DOCK8: variants seen among roughly 807,000 people sequenced by gnomAD.
DOCK8 encodes the protein dedicator of cytokinesis 8, also known as dedicator of cytokinesis protein 8.
Under a neutral mutation model 245.6 loss-of-function variants are expected in DOCK8, and 141 were observed. The observed-to-expected ratio is 0.57, with a 90% CI of 0.50 to 0.66. DOCK8 has a LOEUF of 0.66. Ranked by LOEUF, DOCK8 falls within the 30% of genes least tolerant of loss-of-function variation. DOCK8 has a pLI of 0.00. For missense variants in DOCK8, 2,965 were observed against 2,603.4 expected (o/e 1.14, Z -3.02); for synonymous variants, 1,168 against 970.2 (o/e 1.20, Z -3.79).
intron 46 of DOCK8, among the ~76,000 whole-genome samples, chr9:457,893 T>A (rs1184248482): frequency 6.6e-6 from 1 of 152,206 alleles, no homozygotes; most frequent in African/African-American, 2.4e-5. Context: ...TAGGCTCTTA[T>A]CACCCACACA....
At chr9:395,589 C>G (rs980816827) in intron 24 of DOCK8, among the ~76,000 whole-genome samples, 1 of 151,828 alleles carries the variant, frequency 6.6e-6, no homozygotes, top group African/African-American at 2.4e-5. Context: ...TCTGACTAAT[C>G]TAGACGCATA....
At chr9:374,810 A>G (rs1464614973) in intron 18 of DOCK8, among the ~76,000 whole-genome samples, 1 of 151,904 alleles carries the variant, frequency 6.6e-6, no homozygotes, top group African/African-American at 2.4e-5. Context: ...TTTAAATTAC[A>G]TATATAGCTC....
intron 1 of DOCK8, among the ~76,000 whole-genome samples, chr9:248,535 T>TCCA (rs1563839254): frequency 4.5e-5 from 4 of 88,316 alleles, no homozygotes; most frequent in African/African-American, 1.3e-4. Flanking sequence ...CTCTCTCTCT[T>TCCA]TCTTTCTTTC....
intron 2 of DOCK8, among the ~76,000 whole-genome samples, chr9:273,988 G>T (rs1161959633): frequency 6.6e-6 from 1 of 152,162 alleles, no homozygotes; most frequent in African/African-American, 2.4e-5. Context: ...TTACGAGCAT[G>T]AGCCACCATG....
At chr9:246,489 T>G (rs1019774647) in intron 1 of DOCK8, among the ~76,000 whole-genome samples, 1 of 151,010 alleles carries the variant, frequency 6.6e-6, no homozygotes, top group African/African-American at 2.4e-5. Flanking sequence ...CACTCCAGTC[T>G]GGGTGACAGA....
At position 344,096 on chromosome 9, in the gene DOCK8, C is replaced by G. The variant is rs57160652; in HGVS notation, c.1679+3775C>G. On this transcript the variant is annotated intron_variant, in intron 14 of 47. Coordinates refer to ENST00000432829, the MANE Select transcript of DOCK8 (RefSeq NM_203447.4). Reference sequence around the variant, plus strand: ...ACAGAGTTAATCTTCTTGAGCTGTACTGGCCACTGTAGAAGTGCCAAGGAC... The same window carrying G: ...ACAGAGTTAATCTTCTTGAGCTGTAGTGGCCACTGTAGAAGTGCCAAGGAC... Among the ~76,000 whole-genome samples the G allele has an allele frequency of 2.2e-3, 339 of 152,264 alleles. 1 individual carries two copies. Among genetic ancestry groups the G allele is most frequent in the African/African-American group, 7.9e-3 (329 of 41,552 alleles).
At chr9:399,987 TCCCACCACCTCCACCACCTCCACCATCA>T (rs2054675755) in intron 26 of DOCK8, among the ~76,000 whole-genome samples, 1 of 90,734 alleles carries the variant, frequency 1.1e-5, no homozygotes, top group African/African-American at 5.5e-5. Flanking sequence ...CATCACCACC[TCCCACCACCTCCACCACCTCCACCATCA>T]CCACCACCTC....
intron 46 of DOCK8, among the ~76,000 whole-genome samples, chr9:457,280 A>G (rs1211629607): frequency 6.6e-6 from 1 of 152,144 alleles, no homozygotes; most frequent in Non-Finnish European, 1.5e-5. Flanking sequence ...CCTCAACTAG[A>G]TGTGTGACCC....
At chr9:387,848 C>G (rs947375244) in intron 23 of DOCK8, among the ~76,000 whole-genome samples, 1 of 152,226 alleles carries the variant, frequency 6.6e-6, no homozygotes, top group Non-Finnish European at 1.5e-5. Flanking sequence ...TACAGCCTGA[C>G]TTCTTTAACC....
At chr9:436,205 C>T (rs1200822284) in intron 39 of DOCK8, among the ~76,000 whole-genome samples, 1 of 152,156 alleles carries the variant, frequency 6.6e-6, no homozygotes, top group African/African-American at 2.4e-5. Context: ...TCCTCAAGAA[C>T]AAAAATAGTC....
intron 2 of DOCK8, among the ~76,000 whole-genome samples, chr9:284,009 T>G (rs1207327541): frequency 1.3e-5 from 2 of 152,194 alleles, no homozygotes; most frequent in Non-Finnish European, 2.9e-5. Context: ...TCCAATTTCT[T>G]TGCACATAGT....
chr9:345,016 C>T (rs540389587), intron 14 of DOCK8, among the ~76,000 whole-genome samples: 3 of 152,224 alleles, frequency 2.0e-5, no homozygotes, highest in African/African-American at 7.2e-5. Flanking sequence ...CCTGCCATTG[C>T]ACTCCAGCCT....
Position 407,058 on chromosome 9 carries a change from C to T in DOCK8, c.3519C>T (p.Ala1173=), listed in dbSNP as rs144299704. The change falls in exon 28 of 48, where the codon GCC becomes GCT. Residue 1173 remains alanine, a synonymous_variant. Coordinates refer to ENST00000432829, the MANE Select transcript of DOCK8 (RefSeq NM_203447.4). Reference sequence around the variant, plus strand: ...CAGAACTGGCTGCTGCCCTGGATGCCGAAGGGGAAGGGTATGTTTCTGGCA... The same window carrying T: ...CAGAACTGGCTGCTGCCCTGGATGCTGAAGGGGAAGGGTATGTTTCTGGCA... ...LFTELAAALD[A]EGEGISKVQR... 5.4e-5 allele frequency: 87 copies of T among 1,613,866 alleles called. No homozygotes were observed. The African/African-American group carries it at 8.7e-4, about 16-fold the overall frequency.
chr9:334,624 T>C (rs555647371), intron 11 of DOCK8, among the ~76,000 whole-genome samples: 28 of 152,276 alleles, frequency 1.8e-4, no homozygotes, highest in Non-Finnish European at 3.4e-4. Flanking sequence ...ATTTTCTAGA[T>C]GGTATGACAC....
intron 24 of DOCK8, among the ~76,000 whole-genome samples, chr9:394,025 G>A (rs1447936944): frequency 5.9e-5 from 9 of 152,146 alleles, no homozygotes; most frequent in Non-Finnish European, 1.2e-4. Context: ...GACAATCTTA[G>A]AAAAGGAGCC....
intron 30 of DOCK8, 95 bp downstream of exon 30, chr9:418,302 C>T: frequency 6.6e-7 from 1 of 1,510,296 alleles, no homozygotes; most frequent in Non-Finnish European, 9.1e-7. Flanking sequence ...GACAGAGTCT[C>T]ACTCTGTTGC....
chr9:211,322 G>A (rs913853833), upstream of DOCK8, among the ~76,000 whole-genome samples: 2 of 152,074 alleles, frequency 1.3e-5, no homozygotes, highest in Non-Finnish European at 2.9e-5. Context: ...GAAAGGTAAA[G>A]AATAAAGCTG....
chr9:263,028 G>A (rs2047954735), intron 1 of DOCK8, among the ~76,000 whole-genome samples: 1 of 152,108 alleles, frequency 6.6e-6, no homozygotes, highest in Non-Finnish European at 1.5e-5. Context: ...CCAACGTGGT[G>A]AAACCCCGTC....
intron 33 of DOCK8, among the ~76,000 whole-genome samples, chr9:424,615 G>A (rs1448410640): frequency 6.6e-6 from 1 of 152,058 alleles, no homozygotes; most frequent in African/African-American, 2.4e-5. Flanking sequence ...TCACCATGTT[G>A]CCCAGGCTGG....
Sources: gnomAD v4.1 joint callset for allele counts (sites outside exome capture counted in the v4.1 genomes callset) on GRCh38, gnomAD v4.1.1 for gene constraint, MANE v1.5 for transcripts, NCBI Gene and HGNC (gene_info 2026-07-23, HGNC 2026-07-21) for gene names.